The following MYO5B variants were observed in gnomAD, a reference collection of about 807,000 sequenced individuals.
The protein encoded by MYO5B is myosin VB, also known as unconventional myosin-Vb.
A neutral mutation model predicts 229.3 loss-of-function variants in MYO5B; 143 were observed. The observed-to-expected ratio is 0.62, with a 90% CI of 0.54 to 0.72. The LOEUF (loss-of-function observed/expected upper bound fraction) is 0.72. MYO5B is among the 30% of genes least tolerant of loss of function. MYO5B has a pLI of 0.00. For missense variants in MYO5B, 2,321 were observed against 2,331.0 expected (o/e 1.00, Z 0.09); for synonymous variants, 918 against 885.2 (o/e 1.04, Z -0.66).
intron 17 of MYO5B, among the ~76,000 whole-genome samples, chr18:49,921,498 A>G (rs1310586032): frequency 6.6e-6 from 1 of 152,184 alleles, no homozygotes; most frequent in Non-Finnish European, 1.5e-5. Flanking sequence ...AACAATGGAC[A>G]TATTTCTTAG....
At chr18:49,993,835 C>T (rs1413290058) in intron 5 of MYO5B, among the ~76,000 whole-genome samples, 4 of 152,142 alleles carry the variant, frequency 2.6e-5, no homozygotes, top group Admixed American at 1.3e-4. Context: ...ACCTATTATA[C>T]TCCCTGTATA....
intron 1 of MYO5B, among the ~76,000 whole-genome samples, chr18:50,146,339 G>A (rs1279684285): frequency 2.6e-5 from 4 of 152,210 alleles, no homozygotes; most frequent in African/African-American, 9.7e-5. Flanking sequence ...GAAGAACTTT[G>A]GAAAGCCCTC....
intron 14 of MYO5B, among the ~76,000 whole-genome samples, chr18:49,943,964 A>G (rs1332094198): frequency 6.6e-6 from 1 of 152,198 alleles, no homozygotes; most frequent in East Asian, 1.9e-4. Flanking sequence ...AATGGCACCT[A>G]TGAAGGAGCT....
rs553391966 is a variant in MYO5B, at chr18:50,117,812, T to C, written c.28-62434A>G. On this transcript the variant is annotated intron_variant, in intron 1 of 39. Transcript: ENST00000285039. ...CTCAGACCCCTCAGGCCTGAGCCCATAGAAGAGGTCTCTGGCTTATATAAT... is the reference window on the plus strand; with the variant it reads ...CTCAGACCCCTCAGGCCTGAGCCCACAGAAGAGGTCTCTGGCTTATATAAT... Among the ~76,000 whole-genome samples, 3 of 152,152 alleles carry C rather than the reference T, an allele frequency of 2.0e-5. No individual in the cohort carries two copies. The South Asian group carries it at 6.2e-4, about 32-fold the overall frequency.
chr18:49,976,598 A>G (rs539178104), intron 9 of MYO5B, among the ~76,000 whole-genome samples: 3 of 152,344 alleles, frequency 2.0e-5, no homozygotes, highest in East Asian at 3.9e-4. Context: ...AAGAAATTGC[A>G]TTCTAATCCG....
At position 50,089,481 on chromosome 18, in the gene MYO5B, T is replaced by G. The variant is rs553052764; in HGVS notation, c.28-34103A>C. Among the ~76,000 whole-genome samples, 12 of 151,928 alleles carry G rather than the reference T, an allele frequency of 7.9e-5. No homozygotes were observed. In the East Asian group the frequency reaches 2.3e-3, roughly 30 times the overall value. ...AGCCAAGTGCAGTGGCTCATGCCTG[T>G]AATCTCAGCACACTGAGAGGCCAAA... is the stretch of plus-strand genomic sequence containing the variant. On this transcript the variant is annotated intron_variant, in intron 1 of 39. Coordinates refer to ENST00000285039, the MANE Select transcript of MYO5B (RefSeq NM_001080467.3).
At chr18:50,158,212 T>C (rs2032711952) in intron 1 of MYO5B, among the ~76,000 whole-genome samples, 1 of 152,210 alleles carries the variant, frequency 6.6e-6, no homozygotes, top group African/African-American at 2.4e-5. Flanking sequence ...GGGCCACATG[T>C]CTAAAGCAGA....
At chr18:50,095,745 A>T (rs1280054358) in intron 1 of MYO5B, among the ~76,000 whole-genome samples, 2 of 152,212 alleles carry the variant, frequency 1.3e-5, no homozygotes, top group African/African-American at 4.8e-5. Context: ...GTGAGAAATG[A>T]CTACAGTGCA....
intron 35 of MYO5B, 186 bp from the exon 36 acceptor site, chr18:49,839,480 G>A (rs575275718): frequency 3.1e-5 from 20 of 654,914 alleles, no homozygotes; most frequent in South Asian, 2.0e-4. Context: ...CCTTGAACTT[G>A]AAGGATGTAG....
At chr18:50,104,927 G>A (rs1001916146) in intron 1 of MYO5B, among the ~76,000 whole-genome samples, 2 of 152,070 alleles carry the variant, frequency 1.3e-5, no homozygotes, top group Admixed American at 1.3e-4. Context: ...ACACTTGTGG[G>A]CTGGCTGGTG....
intron 1 of MYO5B, among the ~76,000 whole-genome samples, chr18:50,135,288 C>T (rs2032318531): frequency 6.6e-6 from 1 of 152,192 alleles, no homozygotes; most frequent in African/African-American, 2.4e-5. Context: ...TGAGGTTTTT[C>T]AAGACAGTCT....
intron 1 of MYO5B, among the ~76,000 whole-genome samples, chr18:50,083,013 T>C (rs2031254387): frequency 1.3e-5 from 2 of 152,190 alleles, no homozygotes; most frequent in Non-Finnish European, 2.9e-5. Context: ...AAGTCTAAGG[T>C]TCCCACCTGT....
At chr18:49,840,032 T>C (rs1158423858) in intron 35 of MYO5B, 1 of 153,508 alleles carries the variant, frequency 6.5e-6, no homozygotes, top group Non-Finnish European at 1.4e-5. Context: ...AAGGGGATAA[T>C]TGTAATGATG....
At chr18:49,968,865 A>G (rs1341190221) in intron 10 of MYO5B, among the ~76,000 whole-genome samples, 2 of 152,190 alleles carry the variant, frequency 1.3e-5, no homozygotes, top group Non-Finnish European at 2.9e-5. Flanking sequence ...CTGGACTGCC[A>G]CATAGTGTGG....
chr18:49,977,113 G>A (rs1307688659), intron 9 of MYO5B, among the ~76,000 whole-genome samples: 1 of 152,106 alleles, frequency 6.6e-6, no homozygotes, highest in Non-Finnish European at 1.5e-5. Flanking sequence ...AACCACCCTG[G>A]GGACCGGCTT....
chr18:49,980,541 G>T lies in MYO5B; in HGVS notation c.959C>A (p.Ser320Tyr). ...QAFTLLGVKE[S>Y]HQMSIFKIIA... ...TATCTTAAAAATGCTCATCTGATGG[G>T]ACTCTTTCACTCCTGGAAAAGAAAA... Residue 320 changes from serine to tyrosine, a missense_variant, in exon 9 of 40, where the codon TCC becomes TAC. By Grantham distance (144) the Ser-to-Tyr change is moderately radical (BLOSUM62 -2). Coordinates refer to ENST00000285039, the MANE Select transcript of MYO5B (RefSeq NM_001080467.3). 6.2e-7 allele frequency: 1 copy of T among 1,611,836 alleles called. No homozygotes were observed. Among genetic ancestry groups the T allele is most frequent in the Non-Finnish European group, 8.5e-7 (1 of 1,177,974 alleles).
chr18:49,999,387 C>A (rs574713563), intron 5 of MYO5B, among the ~76,000 whole-genome samples: 2 of 152,234 alleles, frequency 1.3e-5, no homozygotes, highest in African/African-American at 2.4e-5. Context: ...AAACGGCTTC[C>A]GACCTGGGCC....
intron 31 of MYO5B, chr18:49,849,998 TC>T (rs2024179414): frequency 7.9e-6 from 3 of 379,382 alleles, no homozygotes; most frequent in African/African-American, 2.1e-5. Context: ...AGCCTAGGAG[TC>T]CCAGGGTGGG....
At chr18:50,000,734 G>A (rs974218837) in intron 5 of MYO5B, among the ~76,000 whole-genome samples, 2 of 152,194 alleles carry the variant, frequency 1.3e-5, no homozygotes, top group African/African-American at 4.8e-5. Context: ...CGCCATCATA[G>A]GGAACTGTTT....
Sources: gnomAD v4.1 joint callset for allele counts (sites outside exome capture counted in the v4.1 genomes callset) on GRCh38, gnomAD v4.1.1 for gene constraint, MANE v1.5 for transcripts, NCBI Gene and HGNC (gene_info 2026-07-23, HGNC 2026-07-21) for gene names.